UST: variants seen among roughly 807,000 people sequenced by gnomAD.
UST encodes chondroitin sulfate 2-O-sulfotransferase.
UST carries 21 observed loss-of-function variants against 45.6 expected under a neutral mutation model. The observed-to-expected ratio is 0.46, with a 90% CI of 0.33 to 0.66. The LOEUF (loss-of-function observed/expected upper bound fraction) is 0.66, where lower values mean the gene tolerates loss of function less well. Ranked by LOEUF, UST falls within the 30% of genes least tolerant of loss-of-function variation. The pLI is 0.02. For synonymous variants in UST, 215 were observed against 200.6 expected (o/e 1.07, Z -0.61); for missense variants, 463 against 512.4 (o/e 0.90, Z 0.93).
At chr6:148,844,319 G>A (rs546591193) in intron 1 of UST, among the ~76,000 whole-genome samples, 1 of 152,332 alleles carries the variant, frequency 6.6e-6, no homozygotes, top group Admixed American at 6.5e-5. Flanking sequence ...GGGGCTTAAA[G>A]AGAATAAGTT....
At chr6:148,882,434 C>T (rs1404305589) in intron 1 of UST, among the ~76,000 whole-genome samples, 4 of 139,630 alleles carry the variant, frequency 2.9e-5, no homozygotes, top group East Asian at 4.3e-4. Context: ...TGCAGTGAGC[C>T]GAGATTGCGC....
chr6:148,923,311 G>A (rs1264785920), intron 2 of UST, among the ~76,000 whole-genome samples: 2 of 152,100 alleles, frequency 1.3e-5, no homozygotes, highest in African/African-American at 2.4e-5. Context: ...GGAATTTCTG[G>A]GTCATATAGT....
Position 148,886,999 on chromosome 6 carries a change from C to T in UST, c.261C>T (p.Tyr87=). ...TTTATTTTCTAGGAAATTCCACTTA[C>T]TTGGATGACCATGGACCACCTCCTA... ...DLRQYLGNST[Y]LDDHGPPPSK... Residue 87 remains tyrosine (Y), a synonymous_variant, in exon 2 of 8, where the codon TAC becomes TAT. Transcript: ENST00000367463. The T allele has an allele frequency of 6.2e-7, 1 of 1,612,684 alleles. No individual in the cohort carries two copies. Among genetic ancestry groups the T allele is most frequent in the Non-Finnish European group, 8.5e-7 (1 of 1,179,456 alleles).
At chr6:148,931,526 GATTA>G (rs1779921020) in intron 2 of UST, among the ~76,000 whole-genome samples, 1 of 152,182 alleles carries the variant, frequency 6.6e-6, no homozygotes, top group African/African-American at 2.4e-5. Context: ...CAATCGAATT[GATTA>G]ATACTAAAAA....
chr6:148,859,991 C>T (rs1242304735), intron 1 of UST, among the ~76,000 whole-genome samples: 2 of 152,090 alleles, frequency 1.3e-5, no homozygotes, highest in Non-Finnish European at 2.9e-5. Flanking sequence ...TTTTTTGGTT[C>T]CACATGAACT....
At chr6:148,796,623 C>CA (rs11465084) in intron 1 of UST, among the ~76,000 whole-genome samples, 6,012 of 87,166 alleles carry the variant, frequency 0.069, 574 homozygotes, top group Non-Finnish European at 0.093. Context: ...GACTCTGTCT[C>CA]AAAAAAAAAA....
chr6:149,061,387 G>C (rs1021673617), intron 7 of UST, among the ~76,000 whole-genome samples: 1 of 152,230 alleles, frequency 6.6e-6, no homozygotes, highest in Non-Finnish European at 1.5e-5. Flanking sequence ...CAGAGGTAGA[G>C]AAGCTGCTAT....
chr6:149,073,569 A>G (rs564809990), intron 7 of UST, among the ~76,000 whole-genome samples: 1 of 152,366 alleles, frequency 6.6e-6, no homozygotes, highest in South Asian at 2.1e-4. Flanking sequence ...AGAGTTAACA[A>G]TTGAATTTGG....
chr6:149,019,140 A>G lies in UST; in HGVS notation c.683A>G (p.Asp228Gly). Residue 228 changes from aspartate (D) to glycine (G), a missense_variant and splice_region_variant, in exon 6 of 8, where the codon GAT becomes GGT. By Grantham distance (94) the Asp-to-Gly change is moderately conservative. This residue lies in a region of UST where 287 missense variants were observed against 374.2 expected (regional missense o/e 0.77). Coordinates refer to ENST00000367463, the MANE Select transcript of UST (RefSeq NM_005715.3). ...TGACTGCTGTATTTTCTCTTCTAGG[A>G]TATCAATGAGTGTATTCTTGAAAAC... is the stretch of plus-strand genomic sequence containing the variant. ...PSMRQEERYLDINECILENYP... is the reference protein window; with the variant it reads ...PSMRQEERYLGINECILENYP... 6.2e-7 allele frequency: 1 copy of G among 1,609,530 alleles called. No individual in the cohort carries two copies. Among genetic ancestry groups the G allele is most frequent in the Admixed American group, 1.7e-5 (1 of 60,008 alleles).
intron 2 of UST, among the ~76,000 whole-genome samples, chr6:148,921,727 A>G (rs1473449390): frequency 6.6e-6 from 1 of 152,288 alleles, no homozygotes; most frequent in Non-Finnish European, 1.5e-5. Flanking sequence ...CTTGTGGGTT[A>G]TGGAAGCACA....
At chr6:148,999,611 T>C (rs1410920122) in intron 5 of UST, among the ~76,000 whole-genome samples, 1 of 139,278 alleles carries the variant, frequency 7.2e-6, no homozygotes, top group Non-Finnish European at 1.7e-5. Flanking sequence ...ATAATGCTGT[T>C]TGATGTCTGA....
At chr6:148,952,207 C>G (rs1324095494) in intron 3 of UST, among the ~76,000 whole-genome samples, 1 of 152,178 alleles carries the variant, frequency 6.6e-6, no homozygotes. Flanking sequence ...TGTCTCCAAA[C>G]CAGTAATTCC....
chr6:148,828,709 T>C (rs1777620874), intron 1 of UST, among the ~76,000 whole-genome samples: 1 of 152,244 alleles, frequency 6.6e-6, no homozygotes, highest in South Asian at 2.1e-4. Context: ...ATGATGATGA[T>C]GATTGTTTAT....
At chr6:149,003,547 A>G (rs1385411590) in intron 5 of UST, among the ~76,000 whole-genome samples, 1 of 152,216 alleles carries the variant, frequency 6.6e-6, no homozygotes, top group Non-Finnish European at 1.5e-5. Context: ...CTGACATCAT[A>G]GACAGAAGGA....
At position 148,861,748 on chromosome 6, in the gene UST, A is replaced by G. The variant is rs1010803320; in HGVS notation, c.248-25238A>G. On this transcript the variant is annotated intron_variant, in intron 1 of 7. Coordinates refer to ENST00000367463, the MANE Select transcript of UST (RefSeq NM_005715.3). The stretch of plus-strand genomic sequence containing the variant: ...GCATCTTTATTTCTGCCTTCATTTC[A>G]TTATGTACCCAGTAGTCATTCAGGA... 1.4e-4 allele frequency among the ~76,000 whole-genome samples: 21 copies of G among 152,170 alleles called. No homozygotes were observed. In the Middle Eastern group the frequency reaches 0.014, roughly 99 times the overall value.
intron 1 of UST, among the ~76,000 whole-genome samples, chr6:148,810,739 T>A (rs539290025): frequency 4.8e-4 from 73 of 152,266 alleles, no homozygotes; most frequent in South Asian, 4.3e-3. Context: ...CAATTTTTTT[T>A]AAAAAGCCTA....
At chr6:148,873,031 A>G (rs2114819004) in intron 1 of UST, among the ~76,000 whole-genome samples, 1 of 152,340 alleles carries the variant, frequency 6.6e-6, no homozygotes, top group South Asian at 2.1e-4. Flanking sequence ...TGTTCAGCTT[A>G]TCGCAACCAC....
At chr6:148,846,609 A>T (rs898968880) in intron 1 of UST, among the ~76,000 whole-genome samples, 78 of 149,414 alleles carry the variant, frequency 5.2e-4, no homozygotes, top group Admixed American at 1.2e-3. Context: ...ATAATAATAA[A>T]AAATAAAAAT....
intron 5 of UST, among the ~76,000 whole-genome samples, chr6:149,000,647 A>T (rs1180384500): frequency 6.6e-6 from 1 of 152,234 alleles, no homozygotes; most frequent in African/African-American, 2.4e-5. Flanking sequence ...TTTAAGGAAC[A>T]ACCTGACAAA....
Sources: gnomAD v4.1 joint callset for allele counts (sites outside exome capture counted in the v4.1 genomes callset) on GRCh38, gnomAD v4.1.1 for gene constraint, gnomAD v4.1.1 regional missense constraint, MANE v1.5 for transcripts, NCBI Gene and HGNC (gene_info 2026-07-23, HGNC 2026-07-21) for gene names.